The following SDC2 variants were observed in gnomAD, a reference collection of about 807,000 sequenced individuals.
SDC2 encodes syndecan 2.
A neutral mutation model predicts 22.2 loss-of-function variants in SDC2; 13 were observed. The observed-to-expected ratio is 0.59, with a 90% CI of 0.38 to 0.93. SDC2 has a LOEUF of 0.93. Among genes scored for constraint, SDC2 ranks in the 40% least tolerant of loss-of-function variants. The probability of loss-of-function intolerance (pLI) is 0.00; values close to 1 mark genes in which losing one functional copy is unlikely to be tolerated. For synonymous variants in SDC2, 94 were observed against 92.8 expected (o/e 1.01, Z -0.07); for missense variants, 235 against 246.8 (o/e 0.95, Z 0.32).
intron 2 of SDC2, among the ~76,000 whole-genome samples, chr8:96,595,198 C>T (rs1206198208): frequency 2.0e-5 from 3 of 152,140 alleles, no homozygotes; most frequent in Admixed American, 6.6e-5. Context: ...TATCTATGTT[C>T]GGTATAACTT....
intron 1 of SDC2, among the ~76,000 whole-genome samples, chr8:96,496,235 A>G (rs1056107271): frequency 6.6e-6 from 1 of 152,176 alleles, no homozygotes; most frequent in Non-Finnish European, 1.5e-5. Flanking sequence ...TCCTTAAGGA[A>G]GTTTTTTGGC....
chr8:96,581,163 C>T (rs1487389418), intron 1 of SDC2, among the ~76,000 whole-genome samples: 1 of 152,212 alleles, frequency 6.6e-6, no homozygotes, highest in African/African-American at 2.4e-5. Context: ...TAGTAAATTA[C>T]TATAAATCAG....
intron 1 of SDC2, among the ~76,000 whole-genome samples, chr8:96,568,250 C>T (rs1384491928): frequency 6.6e-6 from 1 of 152,152 alleles, no homozygotes; most frequent in South Asian, 2.1e-4. Context: ...AAGAATATAC[C>T]TTGTGGGGGT....
intron 1 of SDC2, among the ~76,000 whole-genome samples, chr8:96,494,585 A>T (rs1460492647): frequency 6.6e-6 from 1 of 151,952 alleles, no homozygotes; most frequent in Non-Finnish European, 1.5e-5. Flanking sequence ...GTCTAGCCGC[A>T]GAGGCCCCTG....
At chr8:96,534,600 A>AT (rs910444756) in intron 1 of SDC2, among the ~76,000 whole-genome samples, 39 of 148,920 alleles carry the variant, frequency 2.6e-4, no homozygotes, top group Admixed American at 1.2e-3. Flanking sequence ...ATACCTGGCT[A>AT]TTTTTTTTTT....
intron 3 of SDC2, among the ~76,000 whole-genome samples, chr8:96,603,404 A>G (rs1343804512): frequency 6.6e-6 from 1 of 152,228 alleles, no homozygotes; most frequent in Middle Eastern, 3.2e-3. Context: ...AGCATGTGTA[A>G]TAACTGTAGT....
At chr8:96,530,665 T>G (rs1271898717) in intron 1 of SDC2, among the ~76,000 whole-genome samples, 2 of 152,162 alleles carry the variant, frequency 1.3e-5, no homozygotes, top group African/African-American at 4.8e-5. Flanking sequence ...AAAAACCTGC[T>G]AAAATATAAG....
At chr8:96,559,242 A>C (rs1017647425) in intron 1 of SDC2, among the ~76,000 whole-genome samples, 3 of 152,106 alleles carry the variant, frequency 2.0e-5, no homozygotes, top group Non-Finnish European at 4.4e-5. Flanking sequence ...AGGAGGTAAA[A>C]CTTGAGGTGA....
At chr8:96,585,950 C>CT (rs1375461942) in intron 1 of SDC2, among the ~76,000 whole-genome samples, 1 of 150,008 alleles carries the variant, frequency 6.7e-6, no homozygotes, top group Non-Finnish European at 1.5e-5. Flanking sequence ...TTACTTGGAG[C>CT]TTTGTTGGCT....
intron 1 of SDC2, among the ~76,000 whole-genome samples, chr8:96,524,301 C>T (rs1030210424): frequency 6.6e-6 from 1 of 152,176 alleles, no homozygotes; most frequent in African/African-American, 2.4e-5. Context: ...ATACATCACT[C>T]TGGGGATGTC....
At chr8:96,553,923 A>G (rs779727962) in intron 1 of SDC2, among the ~76,000 whole-genome samples, 12 of 151,872 alleles carry the variant, frequency 7.9e-5, no homozygotes, top group Non-Finnish European at 1.0e-4. Flanking sequence ...TAGGCATGCC[A>G]TGCCCAACCA....
chr8:96,585,592 G>A (rs966003754), intron 1 of SDC2, among the ~76,000 whole-genome samples: 4 of 152,108 alleles, frequency 2.6e-5, no homozygotes, highest in Admixed American at 1.3e-4. Flanking sequence ...AGGGGAAGGG[G>A]ACATCATTCA....
At chr8:96,548,346 A>G (rs898019862) in intron 1 of SDC2, among the ~76,000 whole-genome samples, 2 of 152,212 alleles carry the variant, frequency 1.3e-5, no homozygotes, top group Non-Finnish European at 1.5e-5. Context: ...TCCAAAATTC[A>G]AAACTTCTTG....
At chr8:96,608,897 A>G (rs1308664645) in intron 4 of SDC2, among the ~76,000 whole-genome samples, 2 of 152,228 alleles carry the variant, frequency 1.3e-5, no homozygotes, top group East Asian at 3.8e-4. Context: ...ATTTTAACTT[A>G]ATTGGATGGA....
At chr8:96,548,257 GT>G (rs1357963572) in intron 1 of SDC2, among the ~76,000 whole-genome samples, 2 of 152,158 alleles carry the variant, frequency 1.3e-5, no homozygotes, top group Admixed American at 6.6e-5. Flanking sequence ...AAACAGGATG[GT>G]TTTCCCAGCC....
At chr8:96,497,809 T>C (rs753827079) in intron 1 of SDC2, among the ~76,000 whole-genome samples, 5 of 152,210 alleles carry the variant, frequency 3.3e-5, no homozygotes, top group Non-Finnish European at 7.3e-5. Context: ...CTGTGAGGAA[T>C]GCCATCTGGG....
chr8:96,495,205 G>T (rs566645637), intron 1 of SDC2, among the ~76,000 whole-genome samples: 140 of 152,302 alleles, frequency 9.2e-4, no homozygotes, highest in Non-Finnish European at 1.3e-3. Context: ...CTCCCGCCAC[G>T]CTCGCCCTCT....
intron 1 of SDC2, among the ~76,000 whole-genome samples, chr8:96,576,477 T>TGGCGG (rs1554604718): frequency 1.2e-5 from 1 of 80,210 alleles, no homozygotes; most frequent in Admixed American, 1.4e-4. Flanking sequence ...TGGAGTGCAG[T>TGGCGG]GGCGGGACCT....
chr8:96,591,104 ATG>A (rs1814773963), intron 1 of SDC2, among the ~76,000 whole-genome samples: 1 of 152,194 alleles, frequency 6.6e-6, no homozygotes, highest in South Asian at 2.1e-4. Flanking sequence ...AGCATGACAG[ATG>A]TGTTAGTCCA....
Sources: gnomAD v4.1 joint callset for allele counts (sites outside exome capture counted in the v4.1 genomes callset) on GRCh38, gnomAD v4.1.1 for gene constraint, MANE v1.5 for transcripts, NCBI Gene and HGNC (gene_info 2026-07-23, HGNC 2026-07-21) for gene names.